DOCK3: variants seen among roughly 807,000 people sequenced by gnomAD.
DOCK3 encodes dedicator of cytokinesis protein 3.
Under a neutral mutation model 265.6 loss-of-function variants are expected in DOCK3, and 60 were observed. The ratio of observed to expected loss-of-function variants is 0.23; its 90% CI spans 0.18 to 0.28. The LOEUF (loss-of-function observed/expected upper bound fraction) is 0.28, where lower values mean the gene tolerates loss of function less well. Among genes scored for constraint, DOCK3 ranks in the 10% least tolerant of loss-of-function variants. DOCK3 has a pLI of 1.00. For synonymous variants in DOCK3, 881 were observed against 938.0 expected (o/e 0.94, Z 1.11); for missense variants, 1,981 against 2,594.3 (o/e 0.76, Z 5.14).
intron 14 of DOCK3, among the ~76,000 whole-genome samples, chr3:51,218,050 G>A (rs1279657565): frequency 6.6e-6 from 1 of 151,940 alleles, no homozygotes; most frequent in African/African-American, 2.4e-5. Flanking sequence ...CCTGGGAGGC[G>A]GAGGTTGCAG....
At chr3:51,305,019 T>A (rs1267163715) in intron 27 of DOCK3, among the ~76,000 whole-genome samples, 1 of 152,252 alleles carries the variant, frequency 6.6e-6, no homozygotes, top group Non-Finnish European at 1.5e-5. Context: ...TATGTGCATT[T>A]GAGGAAAACG....
intron 5 of DOCK3, among the ~76,000 whole-genome samples, chr3:50,990,021 A>C (rs1233113559): frequency 6.6e-6 from 1 of 152,228 alleles, no homozygotes; most frequent in Admixed American, 6.5e-5. Flanking sequence ...CACAAGTATT[A>C]ATAGCAGAAT....
In DOCK3 at chr3:51,381,955, C is replaced by T. The variant is rs2088679708; in HGVS notation, c.*396C>T. On this transcript the variant is annotated 3_prime_UTR_variant, in exon 53 of 53. Transcript: ENST00000266037. This position sits in a 1 kb window ranked among gnomAD's most constrained non-coding sequence, Gnocchi z 5.6. The stretch of plus-strand genomic sequence containing the variant: ...GCCCTCCCTCCAGGGTAGAGATGCA[C>T]CGAATGGAAATTGCACTAAGGACCT... 1 of 173,268 alleles carries T rather than the reference C, an allele frequency of 5.8e-6. No homozygotes were observed. Among genetic ancestry groups the T allele is most frequent in the African/African-American group, 2.4e-5 (1 of 42,150 alleles). The allele number at this position is 173,268 out of a possible 1,614,324, so 10.7% of individuals were successfully genotyped here.
At chr3:50,901,315 C>A (rs1489905640) in intron 4 of DOCK3, among the ~76,000 whole-genome samples, 1 of 152,116 alleles carries the variant, frequency 6.6e-6, no homozygotes, top group Non-Finnish European at 1.5e-5. Context: ...ATGGCAGACA[C>A]CCCTCCCCCC....
In DOCK3 at chr3:51,374,371, G is replaced by GAC. The variant is rs1448816676; in HGVS notation, c.5294-95_5294-94dup. 9.0e-7 allele frequency: 1 copy of GAC among 1,116,182 alleles called. No individual in the cohort carries two copies. The highest frequency in any genetic ancestry group is 1.3e-6 in the Non-Finnish European group (1 of 756,258). The allele number at this position is 1,116,182 out of a possible 1,614,324, so 69.1% of individuals were successfully genotyped here. ...GTTCATCCTCACCCTAACTGTAAGG[G>GAC]ACACCTACCCTGGTTCCCTAGTCCT... is the stretch of plus-strand genomic sequence containing the variant. On this transcript the variant is annotated intron_variant, in intron 49 of 52. Coordinates refer to ENST00000266037, the MANE Select transcript of DOCK3 (RefSeq NM_004947.5). This position sits in a 1 kb window ranked among gnomAD's most constrained non-coding sequence, Gnocchi z 4.8.
At position 50,847,279 on chromosome 3, in the gene DOCK3, T is replaced by C. The variant is rs543758238; in HGVS notation, c.162+5564T>C. On this transcript the variant is annotated intron_variant, in intron 3 of 52. Coordinates refer to ENST00000266037, the MANE Select transcript of DOCK3 (RefSeq NM_004947.5). ...TTTAAATTTCCATGTAATTATGTGG[T>C]TTTGAGCAATCTTCTTGGTATTCAT... Among the ~76,000 whole-genome samples the C allele has an allele frequency of 3.0e-4, 45 of 152,344 alleles. No individual in the cohort carries two copies. The South Asian group carries it at 7.7e-3, about 26-fold the overall frequency.
At chr3:50,734,353 G>A (rs1460168850) in intron 1 of DOCK3, among the ~76,000 whole-genome samples, 2 of 151,750 alleles carry the variant, frequency 1.3e-5, no homozygotes, top group East Asian at 3.9e-4. Flanking sequence ...ATAAAAATTA[G>A]CCAGATGTGA....
At chr3:50,704,688 C>T (rs1465442391) in intron 1 of DOCK3, among the ~76,000 whole-genome samples, 1 of 148,380 alleles carries the variant, frequency 6.7e-6, no homozygotes, top group Non-Finnish European at 1.5e-5. Context: ...TGCAGTGGCT[C>T]AATCTCGGAT....
intron 3 of DOCK3, among the ~76,000 whole-genome samples, chr3:50,873,999 G>A (rs2047564859): frequency 1.3e-5 from 2 of 148,968 alleles, no homozygotes; most frequent in South Asian, 2.1e-4. Flanking sequence ...AGTTAAAATC[G>A]GATGCTGTAA....
rs138520109 is a variant in DOCK3, at chr3:50,789,302, G to A, written c.121+10544G>A. The stretch of plus-strand genomic sequence containing the variant: ...CATGGTTTTGAGGGTTCCTTTTGGA[G>A]TTAATTTCCAATTTTATTCCACTGT... On this transcript the variant is annotated intron_variant, in intron 2 of 52. Coordinates refer to ENST00000266037, the MANE Select transcript of DOCK3 (RefSeq NM_004947.5). 1.8e-3 allele frequency among the ~76,000 whole-genome samples: 269 copies of A among 152,252 alleles called. 2 individuals are homozygous for A. The highest frequency in any genetic ancestry group is 7.9e-3 in the East Asian group (41 of 5,186).
chr3:51,263,352 T>C (rs1045205991), intron 23 of DOCK3, among the ~76,000 whole-genome samples: 1 of 152,148 alleles, frequency 6.6e-6, no homozygotes, highest in African/African-American at 2.4e-5. Flanking sequence ...ATAAAATCTT[T>C]TACAGACAAG....
At chr3:51,002,196 G>T (rs185140264) in intron 5 of DOCK3, among the ~76,000 whole-genome samples, 2 of 151,950 alleles carry the variant, frequency 1.3e-5, no homozygotes, top group Admixed American at 1.3e-4. Flanking sequence ...TGATCCTCCC[G>T]CCTTGGCTTC....
chr3:51,022,748 T>C (rs1392653965), intron 5 of DOCK3, among the ~76,000 whole-genome samples: 1 of 152,202 alleles, frequency 6.6e-6, no homozygotes, highest in African/African-American at 2.4e-5. Flanking sequence ...ATTTTGGTTT[T>C]CTTTGCCTAG....
At chr3:50,707,231 C>T (rs1329986862) in intron 1 of DOCK3, among the ~76,000 whole-genome samples, 5 of 150,874 alleles carry the variant, frequency 3.3e-5, no homozygotes, top group East Asian at 2.0e-4. Flanking sequence ...CATGGTGGCT[C>T]ATGCCACCAG....
chr3:50,817,298 CA>C (rs745576132), intron 2 of DOCK3, among the ~76,000 whole-genome samples: 2 of 152,200 alleles, frequency 1.3e-5, no homozygotes, highest in Admixed American at 6.5e-5. Context: ...AAATGTAGCT[CA>C]GTAGGTTTTA....
At chr3:50,839,793 G>C (rs1273759554) in intron 2 of DOCK3, among the ~76,000 whole-genome samples, 1 of 126,008 alleles carries the variant, frequency 7.9e-6, no homozygotes, top group African/African-American at 2.9e-5. Context: ...TTTTGAGATG[G>C]AGTATCACTC....
At chr3:51,293,164 G>A (rs2081885215) in intron 27 of DOCK3, among the ~76,000 whole-genome samples, 1 of 151,928 alleles carries the variant, frequency 6.6e-6, no homozygotes, top group South Asian at 2.1e-4. Flanking sequence ...ACCCCAAATA[G>A]CCAAAGCAAC....
chr3:51,256,625 C>G (rs1451181609), intron 22 of DOCK3, among the ~76,000 whole-genome samples: 2 of 145,914 alleles, frequency 1.4e-5, no homozygotes, highest in South Asian at 2.2e-4. Flanking sequence ...TGGAGTCTCA[C>G]TCTTGTTGTG....
At chr3:51,223,909 C>T (rs1212714647) in intron 14 of DOCK3, among the ~76,000 whole-genome samples, 4 of 152,154 alleles carry the variant, frequency 2.6e-5, no homozygotes, top group Non-Finnish European at 5.9e-5. Flanking sequence ...CAAACCTACC[C>T]TGTACACCTG....
Sources: allele counts gnomAD v4.1 joint callset (sites outside exome capture counted in the v4.1 genomes callset), GRCh38; gene constraint gnomAD v4.1.1; non-coding constraint Gnocchi (gnomAD v3.1); transcripts MANE v1.5; gene names NCBI Gene and HGNC (gene_info 2026-07-23, HGNC 2026-07-21).